Variants in SYNM observed in about 807,000 individuals in gnomAD.
SYNM encodes desmuslin.
Under a neutral mutation model 104.0 loss-of-function variants are expected in SYNM, and 95 were observed. The ratio of observed to expected loss-of-function variants is 0.91; its 90% CI spans 0.77 to 1.08. The LOEUF (loss-of-function observed/expected upper bound fraction) is 1.08. Ranked by LOEUF, SYNM falls within the 50% of genes least tolerant of loss-of-function variation. SYNM has a pLI of 0.00. For missense variants in SYNM, 2,150 were observed against 2,052.2 expected, an observed-to-expected ratio of 1.05 and a Z score of -0.92; for synonymous variants, 918 against 869.0, an observed-to-expected ratio of 1.06 and a Z score of -0.99.
At chr15:99,137,920 T>C, downstream of SYNM, 1 of 1,569,506 alleles carries the variant, frequency 6.4e-7, no homozygotes, top group South Asian at 1.2e-5. Flanking sequence ...ATCCTGACTG[T>C]TGAATTCCAT....
In SYNM at chr15:99,105,293, C is replaced by G. The variant is rs533870583; in HGVS notation, c.94C>G (p.Leu32Val). The G allele has an allele frequency of 7.7e-6, 12 of 1,551,430 alleles. No individual in the cohort carries two copies. The highest frequency in any genetic ancestry group is 4.8e-5 in the East Asian group (2 of 41,308). The change falls in exon 1 of 4, where the codon CTG becomes GTG. Residue 32 changes from leucine (L) to valine (V), a missense_variant. Transcript: ENST00000336292. ...TGACTACGTGTGTCGGGTGCGGGAG[C>G]TGGAGCGCGAAAACCTACTCCTGGA... is the stretch of plus-strand genomic sequence containing the variant. ...LYDYVCRVRE[L>V]ERENLLLEEE... is the part of the protein sequence containing the mutation.
chr15:99,117,620 T>G (rs184680910), intron 2 of SYNM, among the ~76,000 whole-genome samples: 132 of 152,360 alleles, frequency 8.7e-4, no homozygotes, highest in African/African-American at 3.1e-3. Context: ...ACTTATTTTG[T>G]GCCTTGCCTT....
intron 2 of SYNM, among the ~76,000 whole-genome samples, chr15:99,122,143 CAAA>C (rs1484126313): frequency 6.6e-5 from 10 of 152,194 alleles, no homozygotes; most frequent in African/African-American, 1.7e-4. Flanking sequence ...ACAACAACAT[CAAA>C]AAATATTGTG....
In SYNM at chr15:99,130,479, C is replaced by G. The variant is rs782143011; in HGVS notation, c.2119C>G (p.Leu707Val). Residue 707 changes from leucine (L) to valine (V), a missense_variant, in exon 4 of 4, where the codon CTT becomes GTT. Transcript: ENST00000336292. ...TTCCGATGAAGCTGGCCTGGACTAC[C>G]TTTTAAGCAAGGATATTAAGGAAGT... ...DVSDEAGLDY[L>V]LSKDIKEVGL... 3 of 1,613,732 alleles carry G rather than the reference C, an allele frequency of 1.9e-6. No homozygotes were observed. The highest frequency in any genetic ancestry group is 2.7e-5 in the African/African-American group (2 of 74,892).
In SYNM at chr15:99,129,942, A is replaced by G. The variant is rs782509591; in HGVS notation, c.1582A>G (p.Lys528Glu). 6 of 1,612,230 alleles carry G rather than the reference A, an allele frequency of 3.7e-6. No homozygotes were observed. The East Asian group carries it at 1.3e-4, about 36-fold the overall frequency. ...TKPEEKMFDSKEKASEERNLR... is the reference protein window; with the variant it reads ...TKPEEKMFDSEEKASEERNLR... The stretch of plus-strand genomic sequence containing the variant: ...GCCAGAAGAGAAAATGTTCGATTCT[A>G]AAGAGAAGGCTTCCGAGGAGAGAAA... The change falls in exon 4 of 4, where the codon AAA (lysine) becomes GAA (glutamate). Residue 528 changes from lysine to glutamate, a missense_variant. By Grantham distance (56) the Lys-to-Glu change is moderately conservative. Transcript: ENST00000336292.
intron 2 of SYNM, among the ~76,000 whole-genome samples, chr15:99,115,407 A>AT (rs145426507): frequency 2.7e-5 from 4 of 146,128 alleles, no homozygotes; most frequent in East Asian, 2.0e-4. Context: ...TCTGATCATG[A>AT]TTTTTTTTTT....
intron 3 of SYNM, among the ~76,000 whole-genome samples, chr15:99,128,322 A>G (rs1421598281): frequency 6.6e-6 from 1 of 152,208 alleles, no homozygotes; most frequent in Non-Finnish European, 1.5e-5. Flanking sequence ...CCAGTCTGTA[A>G]TCTTCCATGT....
In SYNM at chr15:99,105,596, C is replaced by T. The variant is rs1190251822; in HGVS notation, c.397C>T (p.Leu133=). 9.4e-5 allele frequency: 114 copies of T among 1,208,348 alleles called. No individual in the cohort carries two copies. Among genetic ancestry groups the T allele is most frequent in the Non-Finnish European group, 1.1e-4 (105 of 971,830 alleles). The allele number at this position is 1,208,348 out of a possible 1,614,324, so 74.9% of individuals were successfully genotyped here. The stretch of plus-strand genomic sequence containing the variant: ...GGGCGCGCGCGCCGCCCTCGAGGCG[C>T]TGCTGGGCCGGCTGCAGGCCGAGCG... ...ALGARAALEA[L]LGRLQAERRG... is the part of the protein sequence containing the mutation. The change falls in exon 1 of 4, where the codon CTG becomes TTG. Residue 133 remains leucine (L), a synonymous_variant. Transcript: ENST00000336292.
chr15:99,121,621 A>T (rs1446036426), intron 2 of SYNM, among the ~76,000 whole-genome samples: 4 of 152,312 alleles, frequency 2.6e-5, no homozygotes, highest in African/African-American at 9.6e-5. Flanking sequence ...CTCACTGCCG[A>T]TGTGAAGACC....
chr15:99,132,005 CG>C lies in SYNM; in HGVS notation c.3647del (p.Gly1216AspfsTer52). On this transcript the variant is annotated frameshift_variant, in exon 4 of 4. Transcript: ENST00000336292. LOFTEE classifies it high-confidence loss of function. ...CAGCAGAGTCTTCTGCAGATATGGACGGATCAGGGAGGCACAGCACATTTGG... is the reference window on the plus strand; with the variant it reads ...CAGCAGAGTCTTCTGCAGATATGGACGATCAGGGAGGCACAGCACATTTGG... The part of the protein sequence containing the change: ...GPAESSADMD[G>X]SGRHSTFGCR... The C allele has an allele frequency of 1.2e-6, 2 of 1,613,928 alleles. No homozygotes were observed. The highest frequency in any genetic ancestry group is 1.7e-6 in the Non-Finnish European group (2 of 1,179,900).
intron 2 of SYNM, among the ~76,000 whole-genome samples, chr15:99,123,946 C>T (rs2067424953): frequency 6.6e-6 from 1 of 152,276 alleles, no homozygotes; most frequent in Non-Finnish European, 1.5e-5. Context: ...GGCCTGGCGC[C>T]TGGCCAGAGG....
At chr15:99,139,472 A>G, downstream of SYNM, 12 of 1,599,984 alleles carry the variant, frequency 7.5e-6, no homozygotes, top group Non-Finnish European at 1.0e-5. Flanking sequence ...GTCTCCCTTG[A>G]ATGAGAGAAA....
In SYNM at chr15:99,105,907, G is replaced by C. The variant is rs782088317; in HGVS notation, c.708G>C (p.Ala236=). The change falls in exon 1 of 4, where the codon GCG becomes GCC. Residue 236 remains alanine, a synonymous_variant. Transcript: ENST00000336292. ...ETRLCAQEAE[A]LRREALGLEQ... ...GGCTGTGCGCGCAGGAGGCAGAGGC[G>C]CTGCGGCGCGAGGCGCTCGGGTTGG... 5.2e-6 allele frequency: 8 copies of C among 1,533,650 alleles called. No individual in the cohort carries two copies. The highest frequency in any genetic ancestry group is 2.0e-5 in the Admixed American group (1 of 50,670).
At chr15:99,113,272 C>G (rs1185364251) in intron 1 of SYNM, among the ~76,000 whole-genome samples, 8 of 152,286 alleles carry the variant, frequency 5.3e-5, no homozygotes, top group African/African-American at 1.9e-4. Context: ...GAAGCACTGG[C>G]TCTCCTAAGC....
chr15:99,114,111 T>C (rs1467734227), intron 2 of SYNM, among the ~76,000 whole-genome samples: 2 of 152,176 alleles, frequency 1.3e-5, no homozygotes, highest in Non-Finnish European at 2.9e-5. Flanking sequence ...TAGTGTGTTT[T>C]CACACCGCTA....
intron 3 of SYNM, among the ~76,000 whole-genome samples, chr15:99,127,819 T>TG (rs1441912990): frequency 6.6e-6 from 1 of 152,208 alleles, no homozygotes; most frequent in Non-Finnish European, 1.5e-5. Flanking sequence ...TTTTAACCTG[T>TG]GGATACCTAA....
rs781788715 is a variant in SYNM at position 99,106,004 on chromosome 15, C to G, written c.805C>G (p.Arg269Gly). The stretch of plus-strand genomic sequence containing the variant: ...GGAGTACGGGATACAGGCCGAGGAG[C>G]GGCAGGTCCGTGCGCGGGGATGGCG... ...REEYGIQAEERQRVIDCLEDE... is the reference protein window; with the variant it reads ...REEYGIQAEEGQRVIDCLEDE... Residue 269 changes from arginine to glycine, a missense_variant, in exon 1 of 4, where the codon CGG becomes GGG. Arg to Gly is a moderately radical substitution (Grantham distance 125, BLOSUM62 -2). Coordinates refer to ENST00000336292, the MANE Select transcript of SYNM (RefSeq NM_145728.3). 39 of 1,458,728 alleles carry G rather than the reference C, an allele frequency of 2.7e-5. 2 individuals are homozygous for G. In the South Asian group the frequency reaches 5.4e-4, roughly 20 times the overall value. The allele number at this position is 1,458,728 out of a possible 1,614,324, so 90.4% of individuals were successfully genotyped here. A position where few individuals can be genotyped will look rare whatever the true frequency, so the allele number is the denominator to read the frequency against.
At position 99,129,364 on chromosome 15, in the gene SYNM, C is replaced by T. The variant is rs1038583772; in HGVS notation, c.1007-3C>T. The T allele has an allele frequency of 6.2e-7, 1 of 1,607,926 alleles. No individual in the cohort carries two copies. Among genetic ancestry groups the T allele is most frequent in the African/African-American group, 1.3e-5 (1 of 74,810 alleles). On this transcript the variant is annotated splice_polypyrimidine_tract_variant and splice_region_variant and intron_variant, in intron 3 of 3. Coordinates refer to ENST00000336292, the MANE Select transcript of SYNM (RefSeq NM_145728.3). Reference sequence around the variant, plus strand: ...TAATGAATGCTTTGTTCAATTTCTACAGAATTCAGAAACAAATCCTATCAC... The same window carrying T: ...TAATGAATGCTTTGTTCAATTTCTATAGAATTCAGAAACAAATCCTATCAC...
intron 2 of SYNM, among the ~76,000 whole-genome samples, chr15:99,124,135 C>T (rs1362683374): frequency 3.9e-5 from 6 of 152,368 alleles, no homozygotes; most frequent in Admixed American, 3.3e-4. Context: ...TCACAGTCCC[C>T]GAGGCTTGGG....
Sources: allele counts gnomAD v4.1 joint callset (sites outside exome capture counted in the v4.1 genomes callset), GRCh38; gene constraint gnomAD v4.1.1; transcripts MANE v1.5; gene names NCBI Gene and HGNC (gene_info 2026-07-23, HGNC 2026-07-21).